Variants in MESD observed in about 807,000 individuals in gnomAD.
The protein encoded by MESD is mesoderm development LRP chaperone.
MESD carries 7 observed loss-of-function variants against 12.9 expected under a neutral mutation model. That is an observed-to-expected ratio of 0.54 (90% confidence interval 0.31 to 1.02). The LOEUF (loss-of-function observed/expected upper bound fraction) is 1.02, where lower values mean the gene tolerates loss of function less well. Ranked by LOEUF, MESD falls within the 50% of genes least tolerant of loss-of-function variation. The probability of loss-of-function intolerance (pLI) is 0.05; values close to 1 mark genes in which losing one functional copy is unlikely to be tolerated. For missense variants in MESD, 342 were observed against 296.7 expected (o/e 1.15, Z -1.12); for synonymous variants, 126 against 115.6 (o/e 1.09, Z -0.58).
downstream of MESD, among the ~76,000 whole-genome samples, chr15:80,973,392 C>T (rs900399156): frequency 4.0e-5 from 6 of 151,882 alleles, no homozygotes; most frequent in Non-Finnish European, 5.9e-5. Flanking sequence ...CACAAAAATT[C>T]GCCGGGTGTA....
chr15:80,975,003 AAAAAAG>A (rs987538814), downstream of MESD, among the ~76,000 whole-genome samples: 21 of 151,840 alleles, frequency 1.4e-4, no homozygotes, highest in Non-Finnish European at 2.5e-4. Flanking sequence ...ATCAAATTTA[AAAAAAG>A]AAAAAGAGAA....
At chr15:80,980,820 CTTTTTT>C (rs67729328) in intron 2 of MESD, among the ~76,000 whole-genome samples, 213 of 142,616 alleles carry the variant, frequency 1.5e-3, no homozygotes, top group African/African-American at 5.2e-3. Flanking sequence ...AATAAATGCC[CTTTTTT>C]TTTTTTTTTC....
intron 2 of MESD, among the ~76,000 whole-genome samples, chr15:80,981,148 T>C (rs1016758242): frequency 6.6e-6 from 1 of 151,110 alleles, no homozygotes; most frequent in Non-Finnish European, 1.5e-5. Context: ...ATTAAAAAAA[T>C]CTAGATAGGC....
chr15:80,981,958 G>A lies in MESD; in HGVS notation c.438C>T (p.Asp146=), dbSNP rs376447024. Residue 146 remains aspartate, a synonymous_variant, in exon 2 of 3, where the codon GAC becomes GAT. Coordinates refer to ENST00000261758, the MANE Select transcript of MESD (RefSeq NM_015154.3). The stretch of plus-strand genomic sequence containing the variant: ...GGTTGTTGCTGCTTTACCTCTGGAC[G>A]TCATAGTTGGCATTGAAAAGGCTGC... The part of the protein sequence containing the change: ...WQGSLFNANY[D]VQRFIVGSDR... 2.2e-4 allele frequency: 347 copies of A among 1,611,704 alleles called. 1 individual carries two copies. The Middle Eastern group carries it at 2.5e-3, about 12-fold the overall frequency.
chr15:80,948,376 T>G, exon 5 of MESD: 1 of 308,102 alleles, frequency 3.2e-6, no homozygotes, highest in Non-Finnish European at 6.5e-6. Flanking sequence ...AGTGATAGAG[T>G]GGGGAAGGAG....
At position 80,979,436 on chromosome 15, in the gene MESD, T is replaced by G; in HGVS notation, c.488A>C (p.Asp163Ala). The G allele has an allele frequency of 6.2e-7, 1 of 1,614,170 alleles. No individual in the cohort carries two copies. The highest frequency in any genetic ancestry group is 8.5e-7 in the Non-Finnish European group (1 of 1,180,048). The change falls in exon 3 of 3, where the codon GAT (aspartate) becomes GCT (alanine). Residue 163 changes from aspartate (D) to alanine (A), a missense_variant. Physicochemically the swap from Asp to Ala is moderately radical, Grantham distance 126. Transcript: ENST00000261758. Reference sequence around the variant, plus strand: ...CTTGATCTCCCAGGCGTAGCTCCCATCGCGAAGCATGAAGATAGCACGGTC... The same window carrying G: ...CTTGATCTCCCAGGCGTAGCTCCCAGCGCGAAGCATGAAGATAGCACGGTC... ...GSDRAIFMLR[D>A]GSYAWEIKDF...
chr15:80,959,381 T>G (rs777188136), intron 3 of MESD, among the ~76,000 whole-genome samples: 1 of 152,154 alleles, frequency 6.6e-6, no homozygotes, highest in Non-Finnish European at 1.5e-5. Context: ...ACGAGTCAAG[T>G]GTACATTGTG....
chr15:80,981,309 T>C (rs1596236297), intron 2 of MESD, among the ~76,000 whole-genome samples: 3 of 150,842 alleles, frequency 2.0e-5, no homozygotes, highest in South Asian at 4.2e-4. Flanking sequence ...TGGTGGCAGG[T>C]GCCTGTAGTC....
At chr15:80,986,146 T>C (rs1239392613) in intron 1 of MESD, among the ~76,000 whole-genome samples, 2 of 152,144 alleles carry the variant, frequency 1.3e-5, no homozygotes, top group African/African-American at 4.8e-5. Flanking sequence ...GACATTATGT[T>C]AAGTGCAATA....
chr15:80,979,484 C>G lies in MESD; in HGVS notation c.447-7G>C. 1 of 1,611,730 alleles carries G rather than the reference C, an allele frequency of 6.2e-7. No individual in the cohort carries two copies. The stretch of plus-strand genomic sequence containing the variant: ...GTCTGATCCCACAATGAACCTTGGG[C>G]AGAGAGATGCAATCAGTCAGCCAGC... On this transcript the variant is annotated splice_region_variant and splice_polypyrimidine_tract_variant and intron_variant, in intron 2 of 2. Coordinates refer to ENST00000261758, the MANE Select transcript of MESD (RefSeq NM_015154.3).
chr15:80,947,452 T>C lies in MESD; in HGVS notation c.*2073A>G, dbSNP rs532163317. 2.7e-5 allele frequency: 7 copies of C among 260,996 alleles called. No homozygotes were observed. In the East Asian group the frequency reaches 6.3e-4, roughly 24 times the overall value. The allele number at this position is 260,996 out of a possible 1,614,324, so 16.2% of individuals were successfully genotyped here. A position where few individuals can be genotyped will look rare whatever the true frequency, so the allele number is the denominator to read the frequency against. On this transcript the variant is annotated 3_prime_UTR_variant, in exon 5 of 5. Transcript: ENST00000561312. ...CCTGCATCTTCTTCAACATTCTAGCTGATGCCTAGCGTTTGTACAGTCCTT... is the reference window on the plus strand; with the variant it reads ...CCTGCATCTTCTTCAACATTCTAGCCGATGCCTAGCGTTTGTACAGTCCTT...
chr15:80,952,498 C>T (rs1006249002), intron 3 of MESD, among the ~76,000 whole-genome samples: 4 of 152,176 alleles, frequency 2.6e-5, no homozygotes, highest in Admixed American at 6.5e-5. Flanking sequence ...TGTCTAGTGG[C>T]TACCATATAG....
In MESD at chr15:80,982,107, C is replaced by G. The variant is rs1902596902; in HGVS notation, c.289G>C (p.Asp97His). ...PSAPVDFSKI[D>H]PSKPESILKM... ...AATATGCTTTCAGGCTTGCTTGGGT[C>G]TATCTTTGAGAAGTCGACAGGTGCT... Residue 97 changes from aspartate to histidine, a missense_variant, in exon 2 of 3, where the codon GAC becomes CAC. Asp to His is a moderately conservative substitution (Grantham distance 81). Transcript: ENST00000261758. The G allele has an allele frequency of 6.2e-7, 1 of 1,614,002 alleles. No homozygotes were observed. The highest frequency in any genetic ancestry group is 1.1e-5 in the South Asian group (1 of 91,078).
rs1567124800 is a variant in MESD, at chr15:80,978,288, T to A, written c.*931A>T. 1 of 152,236 alleles carries A rather than the reference T, an allele frequency of 6.6e-6. No individual in the cohort carries two copies. The highest frequency in any genetic ancestry group is 1.5e-5 in the Non-Finnish European group (1 of 68,040). The allele number at this position is 152,236 out of a possible 1,614,324, so 9.4% of individuals were successfully genotyped here. The stretch of plus-strand genomic sequence containing the variant: ...AGTTCTTAGAAATGACATCTGTATA[T>A]AAATGTTCTAACTCTTATTCACAGT... On this transcript the variant is annotated 3_prime_UTR_variant, in exon 3 of 3. Coordinates refer to ENST00000261758, the MANE Select transcript of MESD (RefSeq NM_015154.3).
intron 1 of MESD, among the ~76,000 whole-genome samples, chr15:80,986,818 T>C (rs1373244116): frequency 6.6e-6 from 1 of 152,208 alleles, no homozygotes; most frequent in African/African-American, 2.4e-5. Flanking sequence ...TGAGCTCCCC[T>C]TTCTGCAAAT....
intron 1 of MESD, among the ~76,000 whole-genome samples, chr15:80,988,441 G>A (rs936338578): frequency 1.3e-5 from 2 of 152,184 alleles, no homozygotes; most frequent in South Asian, 2.1e-4. Context: ...CTCATGAGGT[G>A]ATGTTCTCAC....
At chr15:80,955,501 A>AAAAAAAAAC (rs1184316440) in intron 3 of MESD, among the ~76,000 whole-genome samples, 4 of 148,832 alleles carry the variant, frequency 2.7e-5, no homozygotes, top group African/African-American at 1.0e-4. Flanking sequence ...AAAAAAAAAA[A>AAAAAAAAAC]AAAAGAAATG....
At chr15:80,989,291 A>G (rs146613158) in intron 1 of MESD, among the ~76,000 whole-genome samples, 76 of 152,294 alleles carry the variant, frequency 5.0e-4, no homozygotes, top group African/African-American at 1.8e-3. Context: ...GGGTGAAGGG[A>G]GAGCAAAGCT....
At chr15:80,958,055 T>C (rs1272479203) in intron 3 of MESD, among the ~76,000 whole-genome samples, 1 of 152,214 alleles carries the variant, frequency 6.6e-6, no homozygotes, top group Non-Finnish European at 1.5e-5. Context: ...TTGCCTCTTT[T>C]CTTCTTGATT....
Sources: gnomAD v4.1 joint callset for allele counts (sites outside exome capture counted in the v4.1 genomes callset) on GRCh38, gnomAD v4.1.1 for gene constraint, MANE v1.5 for transcripts, NCBI Gene and HGNC (gene_info 2026-07-23, HGNC 2026-07-21) for gene names.